CCK: variants seen among roughly 807,000 people sequenced by gnomAD.
CCK encodes the protein cholecystokinin triacontatriapeptide.
CCK carries 11 observed loss-of-function variants against 10.1 expected under a neutral mutation model. The ratio of observed to expected loss-of-function variants is 1.09; its 90% CI spans 0.69 to 1.81. The LOEUF is 1.81. CCK is among the 40% of genes most tolerant of loss of function. The probability of loss-of-function intolerance (pLI) is 0.00; values close to 1 mark genes in which losing one functional copy is unlikely to be tolerated. For synonymous variants in CCK, 83 were observed against 71.9 expected, an observed-to-expected ratio of 1.15 and a Z score of -0.78; for missense variants, 137 against 159.9, an observed-to-expected ratio of 0.86 and a Z score of 0.77.
rs373246573 is a variant in CCK, at chr3:42,258,235, C to T, written c.215-4G>A. ...ATGGACATTCGTCCAGAAGGAGCTA[C>T]AAGGAGCAGGGAGGAAGGAAACAGG... is the stretch of plus-strand genomic sequence containing the variant. On this transcript the variant is annotated splice_polypyrimidine_tract_variant and splice_region_variant and intron_variant, in intron 4 of 4. Coordinates refer to ENST00000396169, the MANE Select transcript of CCK (RefSeq NM_000729.6). The T allele has an allele frequency of 1.1e-4, 175 of 1,613,018 alleles. No individual in the cohort carries two copies. In the African/African-American group the frequency reaches 2.2e-3, roughly 20 times the overall value.
intron 3 of CCK, 24 bp from the exon 4 acceptor site, chr3:42,263,656 C>T: frequency 6.7e-7 from 1 of 1,503,146 alleles, no homozygotes; most frequent in Non-Finnish European, 8.9e-7. Context: ...AGGAGGAGGG[C>T]GCGTTAACTG....
intron 4 of CCK, among the ~76,000 whole-genome samples, chr3:42,261,982 C>A (rs1309218713): frequency 1.3e-5 from 2 of 152,162 alleles, no homozygotes; most frequent in Non-Finnish European, 2.9e-5. Context: ...GGAAGAAATA[C>A]AACAAATCAC....
chr3:42,261,529 A>G (rs1425337262), intron 4 of CCK, among the ~76,000 whole-genome samples: 2 of 152,118 alleles, frequency 1.3e-5, no homozygotes, highest in Non-Finnish European at 2.9e-5. Flanking sequence ...AAGAGGGACT[A>G]GAAAGAACTT....
In CCK at chr3:42,257,990, A is replaced by G; in HGVS notation, c.*108T>C. 8.3e-7 allele frequency: 1 copy of G among 1,206,008 alleles called. No homozygotes were observed. Among genetic ancestry groups the G allele is most frequent in the Non-Finnish European group, 1.2e-6 (1 of 859,898 alleles). The allele number at this position is 1,206,008 out of a possible 1,614,324, so 74.7% of individuals were successfully genotyped here. On this transcript the variant is annotated 3_prime_UTR_variant, in exon 5 of 5. Transcript: ENST00000396169. Reference sequence around the variant, plus strand: ...TTGAGAACTTAATAAATAGATACATACAATGTCAAACTCCACAGACAATGA... The same window carrying G: ...TTGAGAACTTAATAAATAGATACATGCAATGTCAAACTCCACAGACAATGA...
intron 4 of CCK, chr3:42,263,161 G>C (rs1026459386): frequency 3.5e-5 from 21 of 597,026 alleles, no homozygotes; most frequent in Non-Finnish European, 5.7e-5. Flanking sequence ...TAATGGCTTG[G>C]TAAAATGGTG....
At chr3:42,260,899 G>T (rs1027257417) in intron 4 of CCK, among the ~76,000 whole-genome samples, 2 of 152,180 alleles carry the variant, frequency 1.3e-5, no homozygotes, top group African/African-American at 4.8e-5. Flanking sequence ...CCTCCTGGGG[G>T]GAGCAGGACT....
chr3:42,261,089 C>T (rs961268762), intron 4 of CCK, among the ~76,000 whole-genome samples: 30 of 152,204 alleles, frequency 2.0e-4, no homozygotes, highest in African/African-American at 5.5e-4. Flanking sequence ...ATGGGGGAGG[C>T]GCACACTAAA....
At chr3:42,262,217 CTTTTTTTTTT>C (rs11298401) in intron 4 of CCK, among the ~76,000 whole-genome samples, 2 of 101,258 alleles carry the variant, frequency 2.0e-5, no homozygotes, top group African/African-American at 7.7e-5. Flanking sequence ...TTGCTAAGTT[CTTTTTTTTTT>C]TTTTTTTTTT....
chr3:42,259,889 T>C (rs1231913636), intron 4 of CCK, among the ~76,000 whole-genome samples: 2 of 151,944 alleles, frequency 1.3e-5, no homozygotes, highest in African/African-American at 4.8e-5. Flanking sequence ...GGTAGAGGAG[T>C]GGAGGACCAC....
rs1027668164 is a variant in CCK, at chr3:42,266,136, C to A, written c.-835G>T. 8 of 150,108 alleles carry A rather than the reference C, an allele frequency of 5.3e-5. No individual in the cohort carries two copies. The highest frequency in any genetic ancestry group is 2.0e-4 in the African/African-American group (8 of 40,776). 9.3% of individuals were successfully genotyped at this position (150,108 alleles called of 1,614,324 possible). A position where few individuals can be genotyped will look rare whatever the true frequency, so the allele number is the denominator to read the frequency against. On this transcript the variant is annotated 5_prime_UTR_variant, in exon 1 of 5. Coordinates refer to ENST00000396169, the MANE Select transcript of CCK (RefSeq NM_000729.6). ...ATGCAAGGAGAAAGATTTAGAAGCG[C>A]TTATTTTAAAATCGGAATCCGTATT...
At chr3:42,259,879 G>A (rs1208593916) in intron 4 of CCK, among the ~76,000 whole-genome samples, 1 of 152,176 alleles carries the variant, frequency 6.6e-6, no homozygotes, top group Non-Finnish European at 1.5e-5. Context: ...CCAAATCAAG[G>A]GTAGAGGAGT....
At chr3:42,260,330 T>A (rs1394996310) in intron 4 of CCK, among the ~76,000 whole-genome samples, 1 of 152,180 alleles carries the variant, frequency 6.6e-6, no homozygotes, top group African/African-American at 2.4e-5. Context: ...CATGGAAACA[T>A]GACCCATCCT....
rs541463179 is a variant in CCK, at chr3:42,263,617, A to G, written c.14T>C (p.Val5Ala). The change falls in exon 4 of 5, where the codon GTG becomes GCG. Residue 5 changes from valine to alanine, a missense_variant. Coordinates refer to ENST00000396169, the MANE Select transcript of CCK (RefSeq NM_000729.6). MNSG[V>A]CLCVLMAVLA... ...TACCGCCATCAGCACGCACAGGCAC[A>G]CGCCGCTGTTCATGGCTGTAGCGAG... The G allele has an allele frequency of 2.5e-6, 4 of 1,598,668 alleles. No individual in the cohort carries two copies. In the South Asian group the frequency reaches 3.4e-5, roughly 14 times the overall value.
In CCK at chr3:42,263,607, G is replaced by T; in HGVS notation, c.24C>A (p.Cys8Ter). 6.2e-7 allele frequency: 1 copy of T among 1,603,522 alleles called. No homozygotes were observed. The highest frequency in any genetic ancestry group is 8.5e-7 in the Non-Finnish European group (1 of 1,174,830). MNSGVCLCVLMAVLAAGA... is the reference protein window; with the variant it reads MNSGVCL ...CAGCCGCCAGTACCGCCATCAGCACGCACAGGCACACGCCGCTGTTCATGG... is the reference window on the plus strand; with the variant it reads ...CAGCCGCCAGTACCGCCATCAGCACTCACAGGCACACGCCGCTGTTCATGG... Residue 8 changes from cysteine to a stop codon, truncating the protein, a stop_gained, in exon 4 of 5, where the codon TGC (cysteine) becomes TGA (stop). Transcript: ENST00000396169. LOFTEE classifies it high-confidence loss of function.
intron 4 of CCK, among the ~76,000 whole-genome samples, chr3:42,260,316 G>A (rs1020292294): frequency 2.0e-5 from 3 of 152,152 alleles, no homozygotes; most frequent in Admixed American, 1.3e-4. Flanking sequence ...CCTGTACACA[G>A]TCACATGGAA....
At chr3:42,260,232 C>A (rs1241710505) in intron 4 of CCK, among the ~76,000 whole-genome samples, 1 of 152,120 alleles carries the variant, frequency 6.6e-6, no homozygotes, top group Non-Finnish European at 1.5e-5. Flanking sequence ...AGAAAAATAG[C>A]CCCTGCTATT....
chr3:42,262,536 T>C (rs1366773040), intron 4 of CCK, among the ~76,000 whole-genome samples: 1 of 152,218 alleles, frequency 6.6e-6, no homozygotes, highest in Non-Finnish European at 1.5e-5. Context: ...ATTCTTTTAA[T>C]GTCCAGCTGT....
At chr3:42,260,603 T>A (rs893420021) in intron 4 of CCK, among the ~76,000 whole-genome samples, 6 of 152,126 alleles carry the variant, frequency 3.9e-5, no homozygotes, top group African/African-American at 1.4e-4. Flanking sequence ...TTACATCTGA[T>A]GTATGGAATT....
chr3:42,262,182 C>T (rs1711223942), intron 4 of CCK, among the ~76,000 whole-genome samples: 1 of 150,246 alleles, frequency 6.7e-6, no homozygotes, highest in South Asian at 2.1e-4. Flanking sequence ...AGGCAACACA[C>T]CTACCACATC....
Sources: allele counts gnomAD v4.1 joint callset (sites outside exome capture counted in the v4.1 genomes callset), GRCh38; gene constraint gnomAD v4.1.1; transcripts MANE v1.5; gene names NCBI Gene and HGNC (gene_info 2026-07-23, HGNC 2026-07-21).